RASSF8: variants seen among roughly 807,000 people sequenced by gnomAD.
RASSF8 encodes the protein ras association domain-containing protein 8.
RASSF8 carries 22 observed loss-of-function variants against 48.5 expected under a neutral mutation model. That is an observed-to-expected ratio of 0.45 (90% CI 0.32 to 0.65). The LOEUF (loss-of-function observed/expected upper bound fraction) is 0.65. Among genes scored for constraint, RASSF8 ranks in the 30% least tolerant of loss-of-function variants. The pLI, the probability that RASSF8 is intolerant of heterozygous loss-of-function variation, is 0.03. For synonymous variants in RASSF8, 127 were observed against 171.5 expected (o/e 0.74, Z 2.03); for missense variants, 418 against 489.2 (o/e 0.85, Z 1.37).
chr12:25,989,280 G>A (rs1941959435), intron 1 of RASSF8, among the ~76,000 whole-genome samples: 1 of 152,114 alleles, frequency 6.6e-6, no homozygotes, highest in African/African-American at 2.4e-5. Flanking sequence ...AGTATGTCCT[G>A]ATTTCACATT....
At chr12:25,964,288 TG>T (rs1306765224) in intron 1 of RASSF8, among the ~76,000 whole-genome samples, 2 of 148,172 alleles carry the variant, frequency 1.3e-5, no homozygotes, top group East Asian at 2.0e-4. Flanking sequence ...TCTTAGCAAG[TG>T]TTTTTTTTTT....
intron 4 of RASSF8, 130 bp downstream of exon 4, chr12:26,065,517 G>C: frequency 8.1e-7 from 1 of 1,236,636 alleles, no homozygotes; most frequent in South Asian, 1.7e-5. Flanking sequence ...TAAAACTTTT[G>C]TCGAACTCTT....
chr12:26,007,466 C>T (rs1942419724), intron 2 of RASSF8, among the ~76,000 whole-genome samples: 1 of 152,178 alleles, frequency 6.6e-6, no homozygotes, highest in African/African-American at 2.4e-5. Context: ...TGGTAATAGT[C>T]ATGTTGTATA....
chr12:26,003,095 G>T (rs1445488394), intron 2 of RASSF8, among the ~76,000 whole-genome samples: 2 of 152,118 alleles, frequency 1.3e-5, no homozygotes, highest in Non-Finnish European at 1.5e-5. Context: ...ATATATTGAA[G>T]AGGGTGTCCT....
chr12:26,077,667 C>T (rs904483766), downstream of RASSF8, among the ~76,000 whole-genome samples: 1 of 152,118 alleles, frequency 6.6e-6, no homozygotes, highest in South Asian at 2.1e-4. Flanking sequence ...TTACTGTAGA[C>T]TTGTAGTATA....
At chr12:26,074,747 C>T (rs967314783), downstream of RASSF8, among the ~76,000 whole-genome samples, 1 of 151,952 alleles carries the variant, frequency 6.6e-6, no homozygotes, top group Non-Finnish European at 1.5e-5. Context: ...TTAGGAGATA[C>T]TTACCCCAAC....
downstream of RASSF8, among the ~76,000 whole-genome samples, chr12:26,077,147 G>A (rs1435557032): frequency 6.6e-6 from 1 of 152,198 alleles, no homozygotes; most frequent in Admixed American, 6.5e-5. Flanking sequence ...GTTCTTTGTA[G>A]ATTCTGGATA....
intron 1 of RASSF8, among the ~76,000 whole-genome samples, chr12:25,977,163 C>CTGTT (rs1444201542): frequency 6.6e-6 from 1 of 152,168 alleles, no homozygotes; most frequent in Non-Finnish European, 1.5e-5. Flanking sequence ...CATTATGACC[C>CTGTT]TGTTTGTTTC....
chr12:26,065,311 G>C lies in RASSF8; in HGVS notation c.917G>C (p.Gly306Ala). The C allele has an allele frequency of 1.2e-6, 2 of 1,614,126 alleles. No homozygotes were observed. The highest frequency in any genetic ancestry group is 1.7e-6 in the Non-Finnish European group (2 of 1,180,004). The stretch of plus-strand genomic sequence containing the variant: ...GTCAAAGGGGAGATTGACATTCAAG[G>C]CCAGCAGAGTCTGAGGTTGGAAAAT... ...GKVKGEIDIQ[G>A]QQSLRLENGI... The change falls in exon 4 of 6, where the codon GGC becomes GCC. Residue 306 changes from glycine to alanine, a missense_variant. Coordinates refer to ENST00000689635, the MANE Select transcript of RASSF8 (RefSeq NM_001394098.1).
chr12:26,048,416 GA>G (rs934817615), intron 2 of RASSF8, among the ~76,000 whole-genome samples: 28 of 152,066 alleles, frequency 1.8e-4, no homozygotes, highest in African/African-American at 2.9e-4. Flanking sequence ...AGAGGAGGGG[GA>G]AAAAAAGAAA....
At chr12:26,024,616 C>T (rs1471424189) in intron 2 of RASSF8, among the ~76,000 whole-genome samples, 1 of 152,112 alleles carries the variant, frequency 6.6e-6, no homozygotes, top group Non-Finnish European at 1.5e-5. Context: ...TACACTGTAA[C>T]CAAGTGAGAT....
rs114379293 is a variant in RASSF8 at position 26,028,943 on chromosome 12, C to A, written c.-108-26293C>A. On this transcript the variant is annotated intron_variant, in intron 2 of 5. Transcript: ENST00000689635. ...TTTAAAAAAAGCCAAATTTGGTGCA[C>A]GATACTTAGGTTTGACATGCAAAAC... is the stretch of plus-strand genomic sequence containing the variant. 4.7e-3 allele frequency among the ~76,000 whole-genome samples: 707 copies of A among 152,040 alleles called. 3 individuals are homozygous for A. Among genetic ancestry groups the A allele is most frequent in the African/African-American group, 0.016 (676 of 41,436 alleles).
chr12:25,998,134 G>A (rs189642844), intron 2 of RASSF8, among the ~76,000 whole-genome samples: 3 of 152,204 alleles, frequency 2.0e-5, no homozygotes, highest in South Asian at 2.1e-4. Context: ...GCTCTGATTC[G>A]AGAATGTTAT....
intron 3 of RASSF8, among the ~76,000 whole-genome samples, chr12:26,058,392 T>G (rs1943657528): frequency 6.6e-6 from 1 of 152,208 alleles, no homozygotes; most frequent in African/African-American, 2.4e-5. Flanking sequence ...AGTGGCTAGC[T>G]AGATTATTAG....
intron 2 of RASSF8, among the ~76,000 whole-genome samples, chr12:26,026,263 G>A (rs980687150): frequency 3.3e-5 from 5 of 152,022 alleles, no homozygotes; most frequent in East Asian, 1.9e-4. Context: ...GAACTTCATC[G>A]TAAAAAAGAC....
chr12:25,979,682 A>G (rs1941691930), intron 1 of RASSF8, among the ~76,000 whole-genome samples: 1 of 152,220 alleles, frequency 6.6e-6, no homozygotes, highest in African/African-American at 2.4e-5. Context: ...GAAGTGGAGC[A>G]GAGCTAGGAT....
rs1012515575 is a variant in RASSF8, at chr12:26,071,866, C to A, written c.*3048C>A. The A allele has an allele frequency of 3.0e-6, 3 of 984,216 alleles. No homozygotes were observed. The highest frequency in any genetic ancestry group is 1.8e-5 in the African/African-American group (1 of 57,130). 61.0% of individuals were successfully genotyped at this position (984,216 alleles called of 1,614,324 possible). ...AAATATGAAGTATAGCAATATATAACAAGAACATGTAAGCACTTGCTTCCA... is the reference window on the plus strand; with the variant it reads ...AAATATGAAGTATAGCAATATATAAAAAGAACATGTAAGCACTTGCTTCCA... On this transcript the variant is annotated 3_prime_UTR_variant, in exon 6 of 6. Coordinates refer to ENST00000689635, the MANE Select transcript of RASSF8 (RefSeq NM_001394098.1).
chr12:25,998,314 C>A (rs753554706), intron 2 of RASSF8, among the ~76,000 whole-genome samples: 3 of 149,992 alleles, frequency 2.0e-5, no homozygotes, highest in East Asian at 1.9e-4. Context: ...ATATCTTTCA[C>A]AAAGGACTGT....
At chr12:26,065,981 C>T (rs1002150654) in intron 4 of RASSF8, among the ~76,000 whole-genome samples, 1 of 152,002 alleles carries the variant, frequency 6.6e-6, no homozygotes, top group African/African-American at 2.4e-5. Context: ...TTGAAAAGAC[C>T]CTGTGATTAT....
Sources: gnomAD v4.1 joint callset for allele counts (sites outside exome capture counted in the v4.1 genomes callset) on GRCh38, gnomAD v4.1.1 for gene constraint, MANE v1.5 for transcripts, NCBI Gene and HGNC (gene_info 2026-07-23, HGNC 2026-07-21) for gene names.